The following CYP20A1 variants were observed in gnomAD, a reference collection of about 807,000 sequenced individuals.
CYP20A1 encodes cytochrome P450 family 20 subfamily A member 1, also known as cytochrome P450 20A1.
A neutral mutation model predicts 61.4 loss-of-function variants in CYP20A1; 61 were observed. The ratio of observed to expected loss-of-function variants is 0.99; its 90% confidence interval spans 0.81 to 1.23. CYP20A1 has a LOEUF of 1.23. Among genes scored for constraint, CYP20A1 ranks in the 50% most tolerant of loss-of-function variants. The probability of loss-of-function intolerance (pLI) is 0.00; values close to 1 mark genes in which losing one functional copy is unlikely to be tolerated. For missense variants in CYP20A1, 530 were observed against 542.4 expected, an observed-to-expected ratio of 0.98 and a Z score of 0.23; for synonymous variants, 193 against 188.2, an observed-to-expected ratio of 1.03 and a Z score of -0.21.
intron 4 of CYP20A1, among the ~76,000 whole-genome samples, chr2:203,252,481 G>A (rs1052564795): frequency 6.7e-6 from 1 of 149,444 alleles, no homozygotes; most frequent in African/African-American, 2.5e-5. Context: ...TGCAACCTCC[G>A]CCTCTTAGGT....
intron 9 of CYP20A1, among the ~76,000 whole-genome samples, chr2:203,288,357 C>T (rs537162677): frequency 1.4e-4 from 21 of 151,952 alleles, no homozygotes; most frequent in Admixed American, 1.2e-3. Flanking sequence ...TGTGCCACCA[C>T]GCCCAGCCCA....
chr2:203,273,542 GTA>G (rs1327513498), intron 6 of CYP20A1, among the ~76,000 whole-genome samples: 1 of 152,206 alleles, frequency 6.6e-6, no homozygotes, highest in Non-Finnish European at 1.5e-5. Context: ...GCACATGCCT[GTA>G]GTCCCAGCTA....
chr2:203,301,219 A>G lies in CYP20A1; in HGVS notation c.*4311A>G, dbSNP rs1288050000. 1.3e-5 allele frequency among the ~76,000 whole-genome samples: 2 copies of G among 149,610 alleles called. No individual in the cohort carries two copies. Among genetic ancestry groups the G allele is most frequent in the Non-Finnish European group, 3.0e-5 (2 of 67,424 alleles). On this transcript the variant is annotated 3_prime_UTR_variant, in exon 13 of 13. Transcript: ENST00000356079. Reference sequence around the variant, plus strand: ...CCAAAAAAAAAAAAAAACCATACGTACATAACTTTTTTTCTTTTTCTTTTC... The same window carrying G: ...CCAAAAAAAAAAAAAAACCATACGTGCATAACTTTTTTTCTTTTTCTTTTC...
chr2:203,301,302 G>A lies in CYP20A1; in HGVS notation c.*4394G>A, dbSNP rs1399440816. 6.8e-6 allele frequency among the ~76,000 whole-genome samples: 1 copy of A among 148,096 alleles called. No individual in the cohort carries two copies. Among genetic ancestry groups the A allele is most frequent in the Non-Finnish European group, 1.5e-5 (1 of 67,490 alleles). ...GGCACAGTCTTGCTTTGTTGACCAAGCTGGAGTGCATTGGCATGATCACAG... is the reference window on the plus strand; with the variant it reads ...GGCACAGTCTTGCTTTGTTGACCAAACTGGAGTGCATTGGCATGATCACAG... On this transcript the variant is annotated 3_prime_UTR_variant, in exon 13 of 13. Coordinates refer to ENST00000356079, the MANE Select transcript of CYP20A1 (RefSeq NM_177538.3).
chr2:203,271,082 ATTTTTTT>A (rs1161241853), intron 5 of CYP20A1, among the ~76,000 whole-genome samples: 2 of 31,642 alleles, frequency 6.3e-5, no homozygotes, highest in Non-Finnish European at 5.8e-5. Context: ...ATATATATAT[ATTTTTTT>A]TTTTTTTTTT....
At chr2:203,271,052 G>A (rs568245894) in intron 5 of CYP20A1, among the ~76,000 whole-genome samples, 1 of 45,744 alleles carries the variant, frequency 2.2e-5, no homozygotes, top group Admixed American at 4.5e-4. Flanking sequence ...ATATGTATAT[G>A]TGTATATATA....
In CYP20A1 at chr2:203,305,194, CTTTTTTTTTTTTT is replaced by C. The variant is rs11304494; in HGVS notation, c.*8299_*8311del. On this transcript the variant is annotated 3_prime_UTR_variant, in exon 13 of 13. Transcript: ENST00000356079. The stretch of plus-strand genomic sequence containing the variant: ...AATTGGTTTACAGTTCGGTGGCTGT[CTTTTTTTTTTTTT>C]TTTTTTTTTTTTGAGACCGAGTCTC... 1.8e-5 allele frequency among the ~76,000 whole-genome samples: 1 copy of C among 56,896 alleles called. No individual in the cohort carries two copies. Among genetic ancestry groups the C allele is most frequent in the Non-Finnish European group, 2.9e-5 (1 of 34,110 alleles). The allele number at this position is 56,896 out of a possible 152,430, so 37.3% of individuals were successfully genotyped here.
chr2:203,258,387 T>C (rs2067002254), intron 4 of CYP20A1, among the ~76,000 whole-genome samples: 1 of 43,272 alleles, frequency 2.3e-5, no homozygotes, highest in Non-Finnish European at 6.5e-5. Flanking sequence ...GACCCTATGT[T>C]TAAAAAAAAA....
chr2:203,295,545 A>G (rs753530112), intron 11 of CYP20A1, among the ~76,000 whole-genome samples: 3 of 152,258 alleles, frequency 2.0e-5, no homozygotes, highest in African/African-American at 7.2e-5. Context: ...AAAATTCATT[A>G]TATGATTTTC....
At chr2:203,244,227 A>G (rs1053663150) in intron 1 of CYP20A1, among the ~76,000 whole-genome samples, 1 of 151,838 alleles carries the variant, frequency 6.6e-6, no homozygotes, top group African/African-American at 2.4e-5. Context: ...TTTGAGACAG[A>G]GTCTGACTCT....
At chr2:203,265,198 T>G (rs1279830666) in intron 4 of CYP20A1, among the ~76,000 whole-genome samples, 1 of 152,228 alleles carries the variant, frequency 6.6e-6, no homozygotes, top group Non-Finnish European at 1.5e-5. Context: ...AGGGCTATCC[T>G]GTGCATGGTA....
intron 1 of CYP20A1, among the ~76,000 whole-genome samples, chr2:203,239,448 C>T (rs766478788): frequency 2.0e-5 from 3 of 152,244 alleles, no homozygotes; most frequent in Non-Finnish European, 4.4e-5. Flanking sequence ...CTCTCCAAGG[C>T]GGCTCTCAAG....
chr2:203,302,959 G>T lies in CYP20A1; in HGVS notation c.*6051G>T, dbSNP rs1478966584. ...GCCCAACTCAGCCTCCCAGAGTGCT[G>T]GGATTACAAGCATGAGCCACCGCGC... On this transcript the variant is annotated 3_prime_UTR_variant, in exon 13 of 13. Coordinates refer to ENST00000356079, the MANE Select transcript of CYP20A1 (RefSeq NM_177538.3). Among the ~76,000 whole-genome samples the T allele has an allele frequency of 6.6e-6, 1 of 151,910 alleles. No homozygotes were observed. Among genetic ancestry groups the T allele is most frequent in the Non-Finnish European group, 1.5e-5 (1 of 67,988 alleles).
intron 4 of CYP20A1, among the ~76,000 whole-genome samples, chr2:203,257,363 C>T (rs560032355): frequency 3.7e-4 from 56 of 150,844 alleles, no homozygotes; most frequent in Non-Finnish European, 7.1e-4. Flanking sequence ...GGTTTATTTT[C>T]CTTTCCCTCT....
At chr2:203,246,246 A>G (rs751759399) in intron 2 of CYP20A1, among the ~76,000 whole-genome samples, 5 of 152,244 alleles carry the variant, frequency 3.3e-5, no homozygotes, top group Non-Finnish European at 7.3e-5. Context: ...ATTCAATTCA[A>G]TTCCTTTGAT....
rs1478467373 is a variant in CYP20A1 at position 203,302,369 on chromosome 2, T to TA, written c.*5468dup. On this transcript the variant is annotated 3_prime_UTR_variant, in exon 13 of 13. Transcript: ENST00000356079. ...GCAACGTGGCAAAAGCTTGTTTCTA[T>TA]AAAAAAATATAAAAACTTAGCCAGC... Among the ~76,000 whole-genome samples the TA allele has an allele frequency of 6.6e-6, 1 of 152,030 alleles. No homozygotes were observed. The highest frequency in any genetic ancestry group is 6.5e-5 in the Admixed American group (1 of 15,272).
At chr2:203,262,619 T>C (rs990525305) in intron 4 of CYP20A1, among the ~76,000 whole-genome samples, 1 of 152,148 alleles carries the variant, frequency 6.6e-6, no homozygotes, top group Non-Finnish European at 1.5e-5. Flanking sequence ...CCTCCCAATA[T>C]ATGAATTTAA....
At chr2:203,276,610 A>G (rs953763176) in intron 6 of CYP20A1, among the ~76,000 whole-genome samples, 2 of 152,140 alleles carry the variant, frequency 1.3e-5, no homozygotes, top group Non-Finnish European at 2.9e-5. Context: ...AGGGAGAGGG[A>G]GACACCAAGG....
intron 11 of CYP20A1, among the ~76,000 whole-genome samples, chr2:203,293,617 T>A (rs949716466): frequency 6.6e-6 from 1 of 151,912 alleles, no homozygotes; most frequent in African/African-American, 2.4e-5. Flanking sequence ...AGGTGGTATT[T>A]CTTTGGTGGT....
Sources: gnomAD v4.1 joint callset for allele counts (sites outside exome capture counted in the v4.1 genomes callset) on GRCh38, gnomAD v4.1.1 for gene constraint, MANE v1.5 for transcripts, NCBI Gene and HGNC (gene_info 2026-07-23, HGNC 2026-07-21) for gene names.